The following DRC4 variants were observed in gnomAD, a reference collection of about 807,000 sequenced individuals.
DRC4 encodes dynein regulatory complex subunit 4, also known as GAS-11.
chr16:90,022,631 G>A, the DRC4 span: 3 of 1,336,238 alleles, frequency 2.2e-6, no homozygotes, highest in Admixed American at 2.9e-5. Context: ...GACTTATCGC[G>A]GCATCGCCCA....
At chr16:90,031,678 C>T in the DRC4 span, among the ~76,000 whole-genome samples, 2 of 152,120 alleles carry the variant, frequency 1.3e-5, no homozygotes, top group Non-Finnish European at 1.5e-5. Flanking sequence ...AAAATGCTGC[C>T]TCCACAACAT....
the DRC4 span, chr16:90,022,679 C>G: frequency 6.3e-6 from 9 of 1,418,262 alleles, no homozygotes; most frequent in South Asian, 1.1e-4. Context: ...CGGGGGCGGG[C>G]GCCCTGGTCC....
the DRC4 span, chr16:90,042,769 G>A: frequency 1.8e-6 from 1 of 554,066 alleles, no homozygotes; most frequent in East Asian, 3.0e-5. Flanking sequence ...GTGTAGGGGG[G>A]GACCTGGACG....
chr16:90,043,226 G>A, the DRC4 span: 1 of 1,613,564 alleles, frequency 6.2e-7, no homozygotes, highest in South Asian at 1.1e-5. Context: ...CACGTATGAG[G>A]CAAAGCTGCT....
the DRC4 span, chr16:90,036,937 A>G: frequency 1.8e-6 from 1 of 553,308 alleles, no homozygotes; most frequent in Admixed American, 3.2e-5. Context: ...GATAGGTGTC[A>G]TCGTCACTGC....
the DRC4 span, among the ~76,000 whole-genome samples, chr16:90,030,469 T>A: frequency 6.6e-6 from 1 of 151,676 alleles, no homozygotes; most frequent in Admixed American, 6.6e-5. Flanking sequence ...GTCTTCTGAG[T>A]AGCTGGGACT....
At chr16:90,043,249 C>T in the DRC4 span, 1 of 1,613,666 alleles carries the variant, frequency 6.2e-7, no homozygotes, top group Non-Finnish European at 8.5e-7. Context: ...CCTTCGGGAT[C>T]CCTCTGGACA....
chr16:90,031,194 A>G, the DRC4 span: 2 of 1,557,420 alleles, frequency 1.3e-6, no homozygotes, highest in Non-Finnish European at 1.7e-6. Context: ...TTTTAGGTGA[A>G]GTTGAGTCCT....
At chr16:90,022,875 C>G in the DRC4 span, 1 of 778,222 alleles carries the variant, frequency 1.3e-6, no homozygotes, top group South Asian at 3.8e-5. Flanking sequence ...TGGGGGTCTC[C>G]GTGGGGCAAA....
chr16:90,036,809 G>T, the DRC4 span: 3 of 670,922 alleles, frequency 4.5e-6, no homozygotes, highest in Admixed American at 4.2e-5. Flanking sequence ...CCTCACCGTA[G>T]TGCAGAGGGG....
the DRC4 span, among the ~76,000 whole-genome samples, chr16:90,034,084 G>A: frequency 5.3e-5 from 8 of 152,126 alleles, no homozygotes; most frequent in Non-Finnish European, 1.0e-4. Context: ...GAGAACTTGG[G>A]CAGAGGAGAG....
At chr16:90,043,554 T>C in the DRC4 span, 1 of 602,244 alleles carries the variant, frequency 1.7e-6, no homozygotes, top group South Asian at 1.9e-5. Context: ...CTCCCTTCCC[T>C]GGGTGCCGCA....
At chr16:90,021,602 G>A in the DRC4 span, among the ~76,000 whole-genome samples, 18 of 151,862 alleles carry the variant, frequency 1.2e-4, no homozygotes, top group South Asian at 4.2e-4. Flanking sequence ...CTGGGCGTGG[G>A]GCTCACGTGC....
chr16:90,032,987 T>C, the DRC4 span: 1 of 1,363,942 alleles, frequency 7.3e-7, no homozygotes, highest in Non-Finnish European at 1.0e-6. Context: ...TAGTGCTGCA[T>C]GAACTCCTGT....
At chr16:90,035,678 C>T in the DRC4 span, 1 of 1,614,152 alleles carries the variant, frequency 6.2e-7, no homozygotes, top group East Asian at 2.2e-5. Flanking sequence ...TTTTGAGAGG[C>T]AAGTTCGAGG....
the DRC4 span, chr16:90,022,766 C>T: frequency 1.2e-5 from 16 of 1,339,762 alleles, no homozygotes; most frequent in Non-Finnish European, 2.9e-6. Flanking sequence ...TCGGCAGGGG[C>T]CCGGAGACCT....
the DRC4 span, among the ~76,000 whole-genome samples, chr16:90,022,941 G>A: frequency 3.5e-4 from 53 of 152,310 alleles, no homozygotes; most frequent in African/African-American, 1.1e-3. Context: ...GACCTGGGCT[G>A]TCCAGAGCCC....
At chr16:90,037,470 C>CAGGG in the DRC4 span, 1 of 1,505,392 alleles carries the variant, frequency 6.6e-7, no homozygotes, top group East Asian at 2.3e-5. Context: ...AGGAGCATCA[C>CAGGG]AGGGAGGGGC....
chr16:90,044,108 C>G, the DRC4 span: 1 of 449,820 alleles, frequency 2.2e-6, no homozygotes, highest in Non-Finnish European at 4.5e-6. Flanking sequence ...GGTGAACCTT[C>G]CGCACCAGAG....
Sources: gnomAD v4.1 joint callset for allele counts (sites outside exome capture counted in the v4.1 genomes callset) on GRCh38, gnomAD v4.1.1 for gene constraint, MANE v1.5 for transcripts, NCBI Gene and HGNC (gene_info 2026-07-23, HGNC 2026-07-21) for gene names.